Variants in AGPAT3 observed in about 807,000 individuals in gnomAD.
AGPAT3 encodes the protein 1-acylglycerol-3-phosphate O-acyltransferase 3.
Under a neutral mutation model 47.3 loss-of-function variants are expected in AGPAT3, and 5 were observed. That is an observed-to-expected ratio of 0.11 (90% CI 0.06 to 0.22). AGPAT3 has a LOEUF of 0.22. Among genes scored for constraint, AGPAT3 ranks in the 10% least tolerant of loss-of-function variants. The pLI, the probability that AGPAT3 is intolerant of heterozygous loss-of-function variation, is 1.00. For missense variants in AGPAT3, 315 were observed against 493.0 expected (o/e 0.64, Z 3.42); for synonymous variants, 212 against 208.3 (o/e 1.02, Z -0.15).
At position 43,912,312 on chromosome 21, in the gene AGPAT3, C is replaced by T. The variant is rs139321789; in HGVS notation, c.-49+8293C>T. On this transcript the variant is annotated intron_variant, in intron 2 of 9. Coordinates refer to ENST00000291572, the MANE Select transcript of AGPAT3 (RefSeq NM_020132.5). ...ACATGTGAGCCACGTCTCCTTTTATCGTGGCCTTGTCTCCCTTCCTCATCT... is the reference window on the plus strand; with the variant it reads ...ACATGTGAGCCACGTCTCCTTTTATTGTGGCCTTGTCTCCCTTCCTCATCT... Among the ~76,000 whole-genome samples, 19 of 152,370 alleles carry T rather than the reference C, an allele frequency of 1.2e-4. No homozygotes were observed. In the East Asian group the frequency reaches 2.5e-3, roughly 20 times the overall value.
chr21:43,873,948 G>T (rs944283237), intron 1 of AGPAT3, among the ~76,000 whole-genome samples: 2 of 152,086 alleles, frequency 1.3e-5, no homozygotes, highest in African/African-American at 2.4e-5. Context: ...TTATTCTGGT[G>T]TTCTCTTTCT....
chr21:43,957,416 C>T (rs1464496598), intron 2 of AGPAT3, among the ~76,000 whole-genome samples: 1 of 152,216 alleles, frequency 6.6e-6, no homozygotes, highest in African/African-American at 2.4e-5. Flanking sequence ...CAGTGCCCTT[C>T]CAGAGGACCA....
At chr21:43,907,646 G>A (rs2086533120) in intron 2 of AGPAT3, among the ~76,000 whole-genome samples, 1 of 152,178 alleles carries the variant, frequency 6.6e-6, no homozygotes, top group African/African-American at 2.4e-5. Context: ...GAACCCGGGA[G>A]GCGGAGCTTG....
chr21:43,951,149 CA>C (rs1302348515), intron 2 of AGPAT3, among the ~76,000 whole-genome samples: 1 of 151,474 alleles, frequency 6.6e-6, no homozygotes, highest in Admixed American at 6.5e-5. Flanking sequence ...CCTCCCGTGC[CA>C]CCACCTCGCA....
intron 2 of AGPAT3, among the ~76,000 whole-genome samples, chr21:43,918,032 GGTT>G (rs1342657571): frequency 1.2e-4 from 15 of 121,734 alleles, no homozygotes; most frequent in African/African-American, 3.8e-4. Flanking sequence ...GTGTTGTAGG[GGTT>G]GTTGGTGTTG....
At chr21:43,969,568 C>T (rs529782959) in intron 5 of AGPAT3, among the ~76,000 whole-genome samples, 9 of 152,340 alleles carry the variant, frequency 5.9e-5, no homozygotes, top group Non-Finnish European at 1.0e-4. Flanking sequence ...TGGCTCTGCC[C>T]GCCCTGCTCA....
intron 2 of AGPAT3, among the ~76,000 whole-genome samples, chr21:43,937,397 G>A (rs755072701): frequency 2.6e-5 from 4 of 152,186 alleles, no homozygotes; most frequent in East Asian, 1.9e-4. Flanking sequence ...TTGGCTTGGC[G>A]GAGGCGCGCA....
intron 3 of AGPAT3, among the ~76,000 whole-genome samples, chr21:43,963,265 A>C (rs959994455): frequency 2.0e-5 from 3 of 152,226 alleles, no homozygotes; most frequent in African/African-American, 7.2e-5. Flanking sequence ...AGGAGAGAAC[A>C]GGAGAAGCCT....
At chr21:43,871,397 GGAGACCC>G (rs1452438345) in intron 1 of AGPAT3, among the ~76,000 whole-genome samples, 1 of 152,126 alleles carries the variant, frequency 6.6e-6, no homozygotes, top group Non-Finnish European at 1.5e-5. Context: ...AGGGCCTACG[GGAGACCC>G]TCCCGTAAGA....
In AGPAT3 at chr21:43,981,949, C is replaced by T. The variant is rs1350980602; in HGVS notation, c.1043-355C>T. Among the ~76,000 whole-genome samples, 1 of 152,222 alleles carries T rather than the reference C, an allele frequency of 6.6e-6. No individual in the cohort carries two copies. The highest frequency in any genetic ancestry group is 1.5e-5 in the Non-Finnish European group (1 of 68,042). On this transcript the variant is annotated intron_variant, in intron 9 of 9. Transcript: ENST00000291572. This position sits in a 1 kb window ranked among gnomAD's most constrained non-coding sequence, Gnocchi z 5.3. ...GACCTGCTTACATCCGAGGGTCCTGCTCGTCCACCTCTGTCACCTGTTGGG... is the reference window on the plus strand; with the variant it reads ...GACCTGCTTACATCCGAGGGTCCTGTTCGTCCACCTCTGTCACCTGTTGGG...
At chr21:43,951,310 A>G (rs1227472592) in intron 2 of AGPAT3, among the ~76,000 whole-genome samples, 1 of 152,222 alleles carries the variant, frequency 6.6e-6, no homozygotes, top group Non-Finnish European at 1.5e-5. Context: ...TCCATATGGA[A>G]CTAAGAAGTT....
chr21:43,959,068 G>GTATGTGTGGTTTGTGTGTGTGTGGCA (rs1491100639), intron 2 of AGPAT3, among the ~76,000 whole-genome samples: 6 of 53,042 alleles, frequency 1.1e-4, no homozygotes, highest in African/African-American at 6.6e-4. Context: ...GGTATGCGTG[G>GTATGTGTGGTTTGTGTGTGTGTGGCA]TGTGTGTGGT....
chr21:43,957,714 CG>C (rs2088556319), intron 2 of AGPAT3, among the ~76,000 whole-genome samples: 1 of 148,312 alleles, frequency 6.7e-6, no homozygotes, highest in East Asian at 2.0e-4. Flanking sequence ...CCCCTCCACA[CG>C]GGGGTCTCTG....
chr21:43,961,584 T>TCA (rs1177293999), intron 3 of AGPAT3, among the ~76,000 whole-genome samples: 1 of 104,716 alleles, frequency 9.5e-6, no homozygotes, highest in African/African-American at 4.7e-5. Context: ...ACACTTTGTC[T>TCA]CGTGGGAAAT....
intron 2 of AGPAT3, among the ~76,000 whole-genome samples, chr21:43,912,396 G>A (rs1250097209): frequency 3.3e-5 from 5 of 152,266 alleles, no homozygotes; most frequent in Admixed American, 2.0e-4. Flanking sequence ...CAGACCTAGC[G>A]AGGATGGCAG....
Position 43,939,799 on chromosome 21 carries a change from T to G in AGPAT3, c.-48-19835T>G, listed in dbSNP as rs1254578654. Among the ~76,000 whole-genome samples, 1 of 152,172 alleles carries G rather than the reference T, an allele frequency of 6.6e-6. No homozygotes were observed. Among genetic ancestry groups the G allele is most frequent in the Non-Finnish European group, 1.5e-5 (1 of 68,034 alleles). On this transcript the variant is annotated intron_variant, in intron 2 of 9. Transcript: ENST00000291572. The surrounding 1 kb of genome is among the most constrained non-coding windows in gnomAD (Gnocchi z 4.4). ...GGAGGAAGATGTGGGCACTCTTAGG[T>G]CCCTGGTCCTAGGGGTCTGTGCTGG... is the stretch of plus-strand genomic sequence containing the variant.
chr21:43,888,451 G>A (rs2086029043), intron 1 of AGPAT3, among the ~76,000 whole-genome samples: 2 of 152,124 alleles, frequency 1.3e-5, no homozygotes, highest in African/African-American at 4.8e-5. Flanking sequence ...CTAGGTGATG[G>A]GATGGTCTAT....
intron 2 of AGPAT3, among the ~76,000 whole-genome samples, chr21:43,929,054 G>T (rs1601332264): frequency 6.6e-6 from 1 of 152,200 alleles, no homozygotes; most frequent in Admixed American, 6.5e-5. Context: ...TGAAAACTCC[G>T]TGCGTTCTCG....
intron 2 of AGPAT3, among the ~76,000 whole-genome samples, chr21:43,911,379 G>A (rs1343324361): frequency 6.6e-6 from 1 of 151,952 alleles, no homozygotes; most frequent in African/African-American, 2.4e-5. Context: ...TTTGGAAAGT[G>A]TCCTAGAGCT....
Sources: gnomAD v4.1 joint callset for allele counts (sites outside exome capture counted in the v4.1 genomes callset) on GRCh38, gnomAD v4.1.1 for gene constraint, Gnocchi (gnomAD v3.1) non-coding constraint, MANE v1.5 for transcripts, NCBI Gene and HGNC (gene_info 2026-07-23, HGNC 2026-07-21) for gene names.